The following EMC7 variants were observed in gnomAD, a reference collection of about 807,000 sequenced individuals.
EMC7 encodes the protein ER membrane protein complex subunit 7.
A neutral mutation model predicts 24.4 loss-of-function variants in EMC7; 4 were observed. The observed-to-expected ratio is 0.16, with a 90% CI of 0.08 to 0.38. The LOEUF is 0.38. Ranked by LOEUF, EMC7 falls within the 10% of genes least tolerant of loss-of-function variation. The pLI, the probability that EMC7 is intolerant of heterozygous loss-of-function variation, is 1.00. For synonymous variants in EMC7, 106 were observed against 112.0 expected (o/e 0.95, Z 0.34); for missense variants, 221 against 300.6 (o/e 0.74, Z 1.96).
At chr15:34,088,003 G>T in intron 4 of EMC7, 50 bp downstream of exon 4, 1 of 1,492,324 alleles carries the variant, frequency 6.7e-7, no homozygotes, top group Non-Finnish European at 9.1e-7. Context: ...GAGCAACAGA[G>T]GCTCTATCTC....
intron 2 of EMC7, 83 bp downstream of exon 2, chr15:34,095,812 C>A: frequency 7.9e-7 from 1 of 1,272,532 alleles, no homozygotes; most frequent in Non-Finnish European, 1.0e-6. Flanking sequence ...AATTTTCCAT[C>A]TAAACTATTA....
At chr15:34,097,033 C>T (rs376981257) in intron 1 of EMC7, among the ~76,000 whole-genome samples, 2 of 19,992 alleles carry the variant, frequency 1.0e-4, no homozygotes, top group Admixed American at 7.7e-4. Flanking sequence ...GTTTTCTGTT[C>T]TTCTTCTTTT....
chr15:34,095,501 A>G (rs1179482842), intron 2 of EMC7, among the ~76,000 whole-genome samples: 1 of 152,254 alleles, frequency 6.6e-6, no homozygotes, highest in Non-Finnish European at 1.5e-5. Flanking sequence ...TGAAGTATCA[A>G]ATAGGTAATA....
intron 2 of EMC7, among the ~76,000 whole-genome samples, chr15:34,092,022 T>C (rs1900979998): frequency 6.6e-6 from 1 of 152,142 alleles, no homozygotes; most frequent in Non-Finnish European, 1.5e-5. Context: ...TCTCAGCACT[T>C]TGGGAGGCCA....
At chr15:34,098,249 A>G (rs115978830) in intron 1 of EMC7, among the ~76,000 whole-genome samples, 2,644 of 152,276 alleles carry the variant, frequency 0.017, 70 homozygotes, top group African/African-American at 0.061. Context: ...TCAAGGTTCC[A>G]GTAACCTCTA....
chr15:34,093,710 C>T (rs1901014076), intron 2 of EMC7, among the ~76,000 whole-genome samples: 1 of 146,274 alleles, frequency 6.8e-6, no homozygotes, highest in African/African-American at 2.5e-5. Context: ...CTAAAATATA[C>T]AAAAAGTCAT....
intron 2 of EMC7, among the ~76,000 whole-genome samples, chr15:34,094,235 T>G (rs995360722): frequency 1.2e-4 from 4 of 33,290 alleles, no homozygotes; most frequent in African/African-American, 2.0e-4. Flanking sequence ...CGAAACCCCA[T>G]CTCTACAAAA....
intron 2 of EMC7, 102 bp from the exon 3 acceptor site, chr15:34,090,557 A>C: frequency 1.6e-6 from 2 of 1,264,604 alleles, no homozygotes; most frequent in Middle Eastern, 4.1e-4. Flanking sequence ...ACACACTTTC[A>C]GCTTTTTCCA....
chr15:34,087,251 T>C (rs1054360937), intron 4 of EMC7, among the ~76,000 whole-genome samples: 1 of 152,154 alleles, frequency 6.6e-6, no homozygotes. Flanking sequence ...CTAAATAAAA[T>C]GGGGAACCTT....
intron 1 of EMC7, among the ~76,000 whole-genome samples, chr15:34,098,319 G>A (rs1313471825): frequency 1.3e-5 from 2 of 152,026 alleles, no homozygotes; most frequent in Non-Finnish European, 2.9e-5. Context: ...TAAGCTCCAG[G>A]GTACTGCACA....
At chr15:34,096,725 C>T (rs1597406149) in intron 1 of EMC7, among the ~76,000 whole-genome samples, 1 of 151,502 alleles carries the variant, frequency 6.6e-6, no homozygotes, top group East Asian at 2.0e-4. Context: ...TGGTGGCTGC[C>T]GCCTGTAATC....
intron 3 of EMC7, among the ~76,000 whole-genome samples, chr15:34,089,717 G>A (rs1285014363): frequency 2.0e-5 from 3 of 152,228 alleles, no homozygotes; most frequent in Non-Finnish European, 2.9e-5. Context: ...AGCACTTTAG[G>A]AGGCCGAGGC....
In EMC7 at chr15:34,084,742, CTT is replaced by C. The variant is rs11362896; in HGVS notation, c.577-258_577-257del. ...CTGCCTAGGGTTTGATTCTGCTTGC[CTT>C]TTTTTTTTTTTATTATTATACTTTA... On this transcript the variant is annotated intron_variant, in intron 4 of 4. Coordinates refer to ENST00000256545, the MANE Select transcript of EMC7 (RefSeq NM_020154.3). 5.0e-3 allele frequency among the ~76,000 whole-genome samples: 721 copies of C among 144,196 alleles called. 4 individuals carry two copies. The highest frequency in any genetic ancestry group is 0.011 in the African/African-American group (450 of 39,532). The allele number at this position is 144,196 out of a possible 152,430, so 94.6% of individuals were successfully genotyped here.
chr15:34,091,540 C>A (rs1284707951), intron 2 of EMC7, among the ~76,000 whole-genome samples: 2 of 152,204 alleles, frequency 1.3e-5, no homozygotes, highest in African/African-American at 4.8e-5. Context: ...GTAATAAATT[C>A]ATACCCCAAC....
rs779436277 is a variant in EMC7, at chr15:34,101,669, C to G, written c.171G>C (p.Lys57Asn). 1 of 1,613,934 alleles carries G rather than the reference C, an allele frequency of 6.2e-7. No homozygotes were observed. The highest frequency in any genetic ancestry group is 2.2e-5 in the East Asian group (1 of 44,886). ...IEGRAVVPGVKPQDWISAARV... is the reference protein window; with the variant it reads ...IEGRAVVPGVNPQDWISAARV... ...GGGCCGCCGAGATCCAGTCCTGAGG[C>G]TTCACCCCTGGAACAACTGCACGCC... Residue 57 changes from lysine to asparagine, a missense_variant, in exon 1 of 5, where the codon AAG becomes AAC. Coordinates refer to ENST00000256545, the MANE Select transcript of EMC7 (RefSeq NM_020154.3).
At chr15:34,101,171 C>T (rs1567504601) in intron 1 of EMC7, among the ~76,000 whole-genome samples, 1 of 152,124 alleles carries the variant, frequency 6.6e-6, no homozygotes. Flanking sequence ...TTTGAGAATT[C>T]CCACTTGTGT....
chr15:34,091,601 C>A (rs929263643), intron 2 of EMC7, among the ~76,000 whole-genome samples: 2 of 152,046 alleles, frequency 1.3e-5, no homozygotes, highest in African/African-American at 4.8e-5. Flanking sequence ...AGACTTTTTC[C>A]CCCAAAGGCC....
chr15:34,101,461 G>A, intron 1 of EMC7, 143 bp downstream of exon 1: 1 of 830,316 alleles, frequency 1.2e-6, no homozygotes, highest in Admixed American at 2.8e-5. Flanking sequence ...GCCTCCCAAG[G>A]TCTCCCGGCA....
intron 2 of EMC7, among the ~76,000 whole-genome samples, chr15:34,094,333 A>C (rs1901029000): frequency 2.0e-5 from 3 of 152,094 alleles, no homozygotes; most frequent in Admixed American, 2.0e-4. Flanking sequence ...CAGGAGTTCG[A>C]GACCAGCCTG....
Sources: gnomAD v4.1 joint callset for allele counts (sites outside exome capture counted in the v4.1 genomes callset) on GRCh38, gnomAD v4.1.1 for gene constraint, MANE v1.5 for transcripts, NCBI Gene and HGNC (gene_info 2026-07-23, HGNC 2026-07-21) for gene names.